IFFO1: variants seen among roughly 807,000 people sequenced by gnomAD.
IFFO1 encodes intermediate filament family orphan 1.
In IFFO1, 42 loss-of-function variants were observed where a neutral mutation model predicts 59.6. The ratio of observed to expected loss-of-function variants is 0.70; its 90% confidence interval spans 0.55 to 0.91. IFFO1 has a LOEUF of 0.91. Among genes scored for constraint, IFFO1 ranks in the 40% least tolerant of loss-of-function variants. The pLI, the probability that IFFO1 is intolerant of heterozygous loss-of-function variation, is 0.00. For synonymous variants in IFFO1, 336 were observed against 342.8 expected (o/e 0.98, Z 0.22); for missense variants, 711 against 793.2 (o/e 0.90, Z 1.24).
chr12:6,553,242 G>A (rs552357028), intron 1 of IFFO1, among the ~76,000 whole-genome samples: 54 of 152,298 alleles, frequency 3.5e-4, no homozygotes, highest in Middle Eastern at 6.8e-3. Context: ...ACACAGCAGC[G>A]TGCTGCAGAG....
In IFFO1 at chr12:6,548,543, C is replaced by T; in HGVS notation, c.1265G>A (p.Arg422Lys). 1 of 1,613,718 alleles carries T rather than the reference C, an allele frequency of 6.2e-7. No homozygotes were observed. ...EEMQRMLNQL[R>K]EYDFEDDCDS... ...ACAGTCGTCCTCAAAATCATACTCC[C>T]TCCTAGAGACAGGGAACCCGGGTGT... The change falls in exon 7 of 10, where the codon AGG becomes AAG. Residue 422 changes from arginine (R) to lysine (K), a missense_variant and splice_region_variant. Arg to Lys is a conservative substitution (Grantham distance 26, BLOSUM62 2). This residue lies in a region of IFFO1 where 579 missense variants were observed against 650.3 expected (regional missense o/e 0.89). Coordinates refer to ENST00000619571, the MANE Select transcript of IFFO1 (RefSeq NM_001193457.2). This position sits in a 1 kb window ranked among gnomAD's most constrained non-coding sequence, Gnocchi z 6.1.
intron 1 of IFFO1, 144 bp from the exon 2 acceptor site, chr12:6,551,145 T>G (rs2136136046): frequency 1.2e-6 from 1 of 803,194 alleles, no homozygotes; most frequent in Non-Finnish European, 2.0e-6. Flanking sequence ...CAGGAATGCC[T>G]GGCCAGCCAG....
rs1276617038 is a variant in IFFO1, at chr12:6,541,910, G to A, written c.1480-268C>T. 6.6e-6 allele frequency among the ~76,000 whole-genome samples: 1 copy of A among 152,230 alleles called. No individual in the cohort carries two copies. Among genetic ancestry groups the A allele is most frequent in the African/African-American group, 2.4e-5 (1 of 41,464 alleles). The stretch of plus-strand genomic sequence containing the variant: ...CTGTGTTCTTTTAAGACTGATAAGA[G>A]TGGTGAGGAAAGTCAGTGTGGGCGG... On this transcript the variant is annotated intron_variant, in intron 8 of 9. Transcript: ENST00000619571. The surrounding 1 kb of genome is among the most constrained non-coding windows in gnomAD (Gnocchi z 4.8).
chr12:6,548,539 C>A lies in IFFO1; in HGVS notation c.1269G>T (p.Glu423Asp), dbSNP rs1288568482. ...EMQRMLNQLR[E>D]YDFEDDCDSL... ...TGTCACAGTCGTCCTCAAAATCATA[C>A]TCCCTCCTAGAGACAGGGAACCCGG... Residue 423 changes from glutamate (E) to aspartate (D), a missense_variant, in exon 7 of 10, where the codon GAG (glutamate) becomes GAT (aspartate). Transcript: ENST00000619571. This position sits in a 1 kb window ranked among gnomAD's most constrained non-coding sequence, Gnocchi z 6.1. The A allele has an allele frequency of 6.2e-7, 1 of 1,613,708 alleles. No individual in the cohort carries two copies. The highest frequency in any genetic ancestry group is 8.5e-7 in the Non-Finnish European group (1 of 1,179,756).
At chr12:6,554,401 C>T (rs1039086377) in intron 1 of IFFO1, among the ~76,000 whole-genome samples, 2 of 152,210 alleles carry the variant, frequency 1.3e-5, no homozygotes, top group Non-Finnish European at 2.9e-5. Context: ...TGGTTATCAG[C>T]CATCTAAGGA....
At chr12:6,543,088 C>A (rs988936824) in intron 8 of IFFO1, among the ~76,000 whole-genome samples, 1 of 152,020 alleles carries the variant, frequency 6.6e-6, no homozygotes, top group Non-Finnish European at 1.5e-5. Flanking sequence ...GGGGGTGGGA[C>A]GGGAGGAGAC....
chr12:6,553,784 C>G (rs747401943), intron 1 of IFFO1, among the ~76,000 whole-genome samples: 2 of 152,034 alleles, frequency 1.3e-5, no homozygotes, highest in African/African-American at 2.4e-5. Flanking sequence ...TATTTTAAGT[C>G]AAGGGTCTGT....
At chr12:6,547,920 C>T in intron 8 of IFFO1, 145 bp downstream of exon 8, 2 of 690,982 alleles carry the variant, frequency 2.9e-6, no homozygotes, top group Admixed American at 2.2e-5. Context: ...TCAGAGCCCA[C>T]CAGGAGGACT....
intron 3 of IFFO1, chr12:6,550,109 G>A: frequency 2.0e-6 from 1 of 512,616 alleles, no homozygotes; most frequent in Middle Eastern, 5.3e-4. Context: ...TCGGGCCACT[G>A]CTCCCTGGCC....
chr12:6,547,178 G>C (rs1947003586), intron 8 of IFFO1, among the ~76,000 whole-genome samples: 1 of 152,168 alleles, frequency 6.6e-6, no homozygotes, highest in Non-Finnish European at 1.5e-5. Context: ...GTGGGGCCGA[G>C]TTAGGAGGAC....
In IFFO1 at chr12:6,549,925, G is replaced by T; in HGVS notation, c.931-29C>A. The T allele has an allele frequency of 6.2e-7, 1 of 1,603,438 alleles. No individual in the cohort carries two copies. Among genetic ancestry groups the T allele is most frequent in the East Asian group, 2.2e-5 (1 of 44,672 alleles). ...TCCAGGGAGCCCAGGGAACAGTGAG[G>T]AGGCGCCCAGTTCTCCAGACAAGGA... On this transcript the variant is annotated intron_variant, in intron 3 of 9. Coordinates refer to ENST00000619571, the MANE Select transcript of IFFO1 (RefSeq NM_001193457.2). This position sits in a 1 kb window ranked among gnomAD's most constrained non-coding sequence, Gnocchi z 5.0.
In IFFO1 at chr12:6,548,024, C is replaced by T. The variant is rs749923265; in HGVS notation, c.1479+41G>A. The T allele has an allele frequency of 6.7e-7, 1 of 1,503,040 alleles. No homozygotes were observed. The highest frequency in any genetic ancestry group is 9.3e-7 in the Non-Finnish European group (1 of 1,079,120). The allele number at this position is 1,503,040 out of a possible 1,614,324, so 93.1% of individuals were successfully genotyped here. On this transcript the variant is annotated intron_variant, in intron 8 of 9. Coordinates refer to ENST00000619571, the MANE Select transcript of IFFO1 (RefSeq NM_001193457.2). This position sits in a 1 kb window ranked among gnomAD's most constrained non-coding sequence, Gnocchi z 6.1. ...TGCGCCTGCAGCCCCACTCAAAACC[C>T]TCTGGGACACCACGCCCCTGGCTTC...
rs537440250 is a variant in IFFO1, at chr12:6,539,662, A to G, written c.*821T>C. 1 of 152,274 alleles carries G rather than the reference A, an allele frequency of 6.6e-6. No individual in the cohort carries two copies. 9.4% of individuals were successfully genotyped at this position (152,274 alleles called of 1,614,324 possible). On this transcript the variant is annotated 3_prime_UTR_variant, in exon 10 of 10. Coordinates refer to ENST00000619571, the MANE Select transcript of IFFO1 (RefSeq NM_001193457.2). ...CCAGGCTTTTCCAAGAATCAGGGAC[A>G]CTGTAGCCTGTTGGTCTCAGTGTAT...
chr12:6,539,765 C>G lies in IFFO1; in HGVS notation c.*718G>C, dbSNP rs977097706. The G allele has an allele frequency of 6.5e-6, 1 of 153,230 alleles. No homozygotes were observed. Among genetic ancestry groups the G allele is most frequent in the African/African-American group, 2.4e-5 (1 of 41,458 alleles). 9.5% of individuals were successfully genotyped at this position (153,230 alleles called of 1,614,324 possible). A position where few individuals can be genotyped will look rare whatever the true frequency, so the allele number is the denominator to read the frequency against. ...GCGCACATACACCCGCGCACACATG[C>G]ATGGAGCTTCACCTTCTCTGTCATT... is the stretch of plus-strand genomic sequence containing the variant. On this transcript the variant is annotated 3_prime_UTR_variant, in exon 10 of 10. Coordinates refer to ENST00000619571, the MANE Select transcript of IFFO1 (RefSeq NM_001193457.2).
chr12:6,544,618 C>G (rs1946869377), intron 8 of IFFO1: 1 of 152,212 alleles, frequency 6.6e-6, no homozygotes, highest in Non-Finnish European at 1.5e-5. Context: ...ACAAAGGCCC[C>G]TAGTTGGTTG....
chr12:6,548,516 T>C lies in IFFO1; in HGVS notation c.1292A>G (p.Asp431Gly). Residue 431 changes from aspartate (D) to glycine (G), a missense_variant, in exon 7 of 10, where the codon GAC (aspartate) becomes GGC (glycine). Transcript: ENST00000619571. This position sits in a 1 kb window ranked among gnomAD's most constrained non-coding sequence, Gnocchi z 6.1. ...LREYDFEDDC[D>G]SLTWEETEET... ...CTCAGTCTCCTCCCAAGTCAGGCTGTCACAGTCGTCCTCAAAATCATACTC... is the reference window on the plus strand; with the variant it reads ...CTCAGTCTCCTCCCAAGTCAGGCTGCCACAGTCGTCCTCAAAATCATACTC... 6.2e-7 allele frequency: 1 copy of C among 1,613,908 alleles called. No homozygotes were observed. The highest frequency in any genetic ancestry group is 1.1e-5 in the South Asian group (1 of 91,074).
Position 6,549,765 on chromosome 12 carries a change from C to A in IFFO1, c.1062G>T (p.Gln354His), listed in dbSNP as rs756674919. The change falls in exon 4 of 10, where the codon CAG becomes CAT. Residue 354 changes from glutamine (Q) to histidine (H), a missense_variant. Coordinates refer to ENST00000619571, the MANE Select transcript of IFFO1 (RefSeq NM_001193457.2). The surrounding 1 kb of genome is among the most constrained non-coding windows in gnomAD (Gnocchi z 5.0). ...AQQRNCEDMI[Q>H]MFQKKLSLHL... ...GCAGCTCCGTCCTCACCTGGAACATCTGGATCATGTCCTCGCAGTTGCGCT... is the reference window on the plus strand; with the variant it reads ...GCAGCTCCGTCCTCACCTGGAACATATGGATCATGTCCTCGCAGTTGCGCT... 1 of 1,613,292 alleles carries A rather than the reference C, an allele frequency of 6.2e-7. No homozygotes were observed. Among genetic ancestry groups the A allele is most frequent in the Admixed American group, 1.7e-5 (1 of 60,000 alleles).
Position 6,548,812 on chromosome 12 carries a change from C to A in IFFO1, c.1118G>T (p.Gly373Val), listed in dbSNP as rs574517499. 68 of 1,613,120 alleles carry A rather than the reference C, an allele frequency of 4.2e-5. 1 individual carries two copies. The South Asian group carries it at 4.8e-4, about 11-fold the overall frequency. ...HLSPIKVPSM[G>V]GRKRERKAAV... is the part of the protein sequence containing the mutation. ...AGCCTTGCGCTCCCGCTTCCGCCCCCCCATGGATGGGACCTTAATGGGAGA... is the reference window on the plus strand; with the variant it reads ...AGCCTTGCGCTCCCGCTTCCGCCCCACCATGGATGGGACCTTAATGGGAGA... The change falls in exon 6 of 10, where the codon GGG (glycine) becomes GTG (valine). Residue 373 changes from glycine (G) to valine (V), a missense_variant. This residue lies in a region of IFFO1 where 579 missense variants were observed against 650.3 expected (regional missense o/e 0.89). Coordinates refer to ENST00000619571, the MANE Select transcript of IFFO1 (RefSeq NM_001193457.2). This position sits in a 1 kb window ranked among gnomAD's most constrained non-coding sequence, Gnocchi z 6.1.
In IFFO1 at chr12:6,549,712, C is replaced by T; in HGVS notation, c.1071+44G>A. 1 of 1,587,506 alleles carries T rather than the reference C, an allele frequency of 6.3e-7. No individual in the cohort carries two copies. Among genetic ancestry groups the T allele is most frequent in the East Asian group, 2.3e-5 (1 of 44,420 alleles). ...GGCCAGCCGCCACGGAAGCATCCAC[C>T]TGCCCCACCCACCCCTGAGAGCAGA... is the stretch of plus-strand genomic sequence containing the variant. On this transcript the variant is annotated intron_variant, in intron 4 of 9. Transcript: ENST00000619571. The surrounding 1 kb of genome is among the most constrained non-coding windows in gnomAD (Gnocchi z 5.0).
Sources: gnomAD v4.1 joint callset for allele counts (sites outside exome capture counted in the v4.1 genomes callset) on GRCh38, gnomAD v4.1.1 for gene constraint, gnomAD v4.1.1 regional missense constraint, Gnocchi (gnomAD v3.1) non-coding constraint, MANE v1.5 for transcripts, NCBI Gene and HGNC (gene_info 2026-07-23, HGNC 2026-07-21) for gene names.